The following RMDN2 variants were observed in gnomAD, a reference collection of about 807,000 sequenced individuals.
The protein encoded by RMDN2 is regulator of microtubule dynamics protein 2.
RMDN2 carries 61 observed loss-of-function variants against 52.8 expected under a neutral mutation model. The observed-to-expected ratio is 1.16, with a 90% CI of 0.94 to 1.43. RMDN2 has a LOEUF of 1.43. Among genes scored for constraint, RMDN2 ranks in the 40% most tolerant of loss-of-function variants. The probability of loss-of-function intolerance (pLI) is 0.00; values close to 1 mark genes in which losing one functional copy is unlikely to be tolerated. For synonymous variants in RMDN2, 180 were observed against 153.1 expected (o/e 1.18, Z -1.30); for missense variants, 592 against 475.3 (o/e 1.25, Z -2.28).
chr2:37,964,636 A>C (rs1478108065), intron 2 of RMDN2, among the ~76,000 whole-genome samples: 2 of 152,150 alleles, frequency 1.3e-5, no homozygotes, highest in East Asian at 3.8e-4. Flanking sequence ...CATGCATTGG[A>C]GACGAATGTG....
chr2:37,929,359 CA>C lies in RMDN2; in HGVS notation c.83del (p.His28ProfsTer8). The C allele has an allele frequency of 6.4e-7, 1 of 1,551,812 alleles. No individual in the cohort carries two copies. Among genetic ancestry groups the C allele is most frequent in the South Asian group, 1.2e-5 (1 of 84,054 alleles). ...AGISLLLLWY[H>X]KVRKPGIAMK... ...AATCAGCTTGCTGCTCTTGTGGTAC[CA>C]CAAGGTCCGTAAACCAGGGATAGCA... On this transcript the variant is annotated frameshift_variant, in exon 2 of 11. Coordinates refer to ENST00000354545, the MANE Select transcript of RMDN2 (RefSeq NM_001170791.3). LOFTEE classifies it high-confidence loss of function.
At position 38,045,017 on chromosome 2, in the gene RMDN2, G is replaced by A. The variant is rs191954573; in HGVS notation, c.1714-21965G>A. Among the ~76,000 whole-genome samples the A allele has an allele frequency of 8.1e-3, 1,212 of 150,316 alleles. 9 individuals carry two copies. The highest frequency in any genetic ancestry group is 0.014 in the Non-Finnish European group (948 of 67,594). ...CTTATTCTAGATATTTTTTTTTTCT[G>A]TTTTATGGTATCAAATAGTAATAAC... On this transcript the variant is annotated intron_variant, in intron 10 of 10. Transcript: ENST00000234195.
chr2:38,060,135 C>T (rs1400102158), intron 10 of RMDN2, among the ~76,000 whole-genome samples: 1 of 149,796 alleles, frequency 6.7e-6, no homozygotes, highest in Non-Finnish European at 1.5e-5. Context: ...TTAGTAGAGA[C>T]AGGATTTCAC....
chr2:37,966,540 A>G (rs1354700213), intron 2 of RMDN2, among the ~76,000 whole-genome samples: 1 of 152,076 alleles, frequency 6.6e-6, no homozygotes, highest in Non-Finnish European at 1.5e-5. Context: ...AACCCCTACA[A>G]TATGTGTATA....
At chr2:38,066,106 G>A (rs1478823374) in intron 10 of RMDN2, among the ~76,000 whole-genome samples, 1 of 152,172 alleles carries the variant, frequency 6.6e-6, no homozygotes, top group East Asian at 1.9e-4. Context: ...ATCTGGATGA[G>A]AATACTTCTA....
chr2:37,958,291 T>C (rs1328876960), intron 2 of RMDN2, among the ~76,000 whole-genome samples: 1 of 152,202 alleles, frequency 6.6e-6, no homozygotes, highest in Admixed American at 6.5e-5. Flanking sequence ...GGAGTGTTTT[T>C]CCATTTGTTT....
At chr2:37,969,687 A>G (rs994676000) in intron 2 of RMDN2, among the ~76,000 whole-genome samples, 15 of 152,090 alleles carry the variant, frequency 9.9e-5, no homozygotes, top group African/African-American at 3.6e-4. Context: ...TGTGCCAAAA[A>G]GACTTCCAGT....
At chr2:38,011,481 A>T (rs1010238835) in intron 10 of RMDN2, among the ~76,000 whole-genome samples, 2 of 151,938 alleles carry the variant, frequency 1.3e-5, no homozygotes, top group African/African-American at 2.4e-5. Context: ...ATGCCTCAGT[A>T]AAAAAAACCC....
chr2:37,943,518 A>T (rs1488578260), intron 2 of RMDN2, among the ~76,000 whole-genome samples: 1 of 152,230 alleles, frequency 6.6e-6, no homozygotes, highest in African/African-American at 2.4e-5. Context: ...GTTGTTTTAG[A>T]TGCTAATGAA....
Position 37,991,281 on chromosome 2 carries a change from G to A in RMDN2, c.929G>A (p.Gly310Glu), listed in dbSNP as rs746551004. 6.4e-7 allele frequency: 1 copy of A among 1,565,982 alleles called. No homozygotes were observed. The highest frequency in any genetic ancestry group is 1.8e-5 in the Admixed American group (1 of 56,588). ...GAACCCTTTCTATATTACCTCAAAGGGAGATACTGCTATACTGTAAGTTGA... is the reference window on the plus strand; with the variant it reads ...GAACCCTTTCTATATTACCTCAAAGAGAGATACTGCTATACTGTAAGTTGA... ...PEEPFLYYLK[G>E]RYCYTVSKLS... is the part of the protein sequence containing the mutation. The change falls in exon 7 of 11, where the codon GGG becomes GAG. Residue 310 changes from glycine to glutamate, a missense_variant. By Grantham distance (98) the Gly-to-Glu change is moderately conservative (BLOSUM62 -2). Transcript: ENST00000354545.
chr2:38,019,158 A>G (rs939018934), downstream of RMDN2, among the ~76,000 whole-genome samples: 1 of 152,228 alleles, frequency 6.6e-6, no homozygotes, highest in Admixed American at 6.5e-5. Context: ...AAGGAATGTG[A>G]AAGTATAGAA....
chr2:37,922,064 C>G (rs796642339), upstream of RMDN2, among the ~76,000 whole-genome samples: 62 of 152,286 alleles, frequency 4.1e-4, no homozygotes, highest in African/African-American at 1.4e-3. Context: ...CTAAATCCCT[C>G]TCTCTCAATG....
intron 10 of RMDN2, among the ~76,000 whole-genome samples, chr2:38,013,062 C>T (rs1311125269): frequency 3.9e-5 from 6 of 152,174 alleles, no homozygotes; most frequent in Non-Finnish European, 7.4e-5. Context: ...GAATTTGAAA[C>T]TACAGTATTT....
chr2:38,002,448 A>C (rs948364854), intron 8 of RMDN2, among the ~76,000 whole-genome samples: 24 of 152,094 alleles, frequency 1.6e-4, no homozygotes, highest in Non-Finnish European at 3.2e-4. Context: ...ATCTATGCTG[A>C]CATGAAAATG....
At chr2:37,936,740 G>A (rs1180269721) in intron 2 of RMDN2, among the ~76,000 whole-genome samples, 1 of 152,122 alleles carries the variant, frequency 6.6e-6, no homozygotes, top group East Asian at 1.9e-4. Context: ...TGATGGGGTT[G>A]TTTGCTTTTT....
intron 2 of RMDN2, among the ~76,000 whole-genome samples, chr2:37,948,372 T>C (rs367748548): frequency 2.0e-5 from 3 of 152,286 alleles, no homozygotes; most frequent in Admixed American, 6.5e-5. Context: ...AAAAGGTTCA[T>C]TGGGCACAGT....
chr2:37,972,234 A>G (rs1304011678), intron 2 of RMDN2, among the ~76,000 whole-genome samples: 1 of 152,164 alleles, frequency 6.6e-6, no homozygotes, highest in Non-Finnish European at 1.5e-5. Flanking sequence ...ATTAATCAAA[A>G]TTTGTAGAAT....
chr2:38,030,288 T>G (rs554585501), intron 10 of RMDN2: 2 of 152,368 alleles, frequency 1.3e-5, no homozygotes, highest in East Asian at 1.9e-4. Flanking sequence ...AGACCACATA[T>G]GAAGGTTAAT....
At chr2:38,029,688 G>C (rs1243129040) in intron 10 of RMDN2, 1 of 151,620 alleles carries the variant, frequency 6.6e-6, no homozygotes, top group Non-Finnish European at 1.5e-5. Flanking sequence ...GAAAGAGGGA[G>C]AGGAGGACTA....
Sources: allele counts gnomAD v4.1 joint callset (sites outside exome capture counted in the v4.1 genomes callset), GRCh38; gene constraint gnomAD v4.1.1; transcripts MANE v1.5; gene names NCBI Gene and HGNC (gene_info 2026-07-23, HGNC 2026-07-21).